PLAC1: variants seen among roughly 807,000 people sequenced by gnomAD.
The protein encoded by PLAC1 is placenta-specific protein 1.
For synonymous variants in PLAC1, 68 were observed against 62.1 expected, an observed-to-expected ratio of 1.09 and a Z score of -0.44; for missense variants, 136 against 163.2, an observed-to-expected ratio of 0.83 and a Z score of 0.91.
intron 1 of PLAC1, among the ~76,000 whole-genome samples, chrX:134,610,139 G>A (rs1487985114): frequency 1.8e-5 from 2 of 110,888 alleles, no homozygotes; most frequent in Non-Finnish European, 3.8e-5. Context: ...CACCACACCC[G>A]GATAATTTTT....
intron 2 of PLAC1, among the ~76,000 whole-genome samples, chrX:134,676,705 G>C (rs1602900039): frequency 8.9e-6 from 1 of 112,262 alleles, no homozygotes; most frequent in African/African-American, 3.2e-5. Context: ...TCTCATTTCT[G>C]ATTGTGGCTT....
chrX:134,712,460 C>G (rs1414690987), intron 2 of PLAC1, among the ~76,000 whole-genome samples: 2 of 111,493 alleles, frequency 1.8e-5, no homozygotes, highest in South Asian at 7.6e-4. Context: ...AGAAGCTCAA[C>G]ATGCAACACA....
intron 1 of PLAC1, among the ~76,000 whole-genome samples, chrX:134,762,821 C>CAAAAAAAAAAAAAAAAAAAAAAA (rs60721487): frequency 2.0e-4 from 3 of 14,825 alleles, no homozygotes; most frequent in Non-Finnish European, 5.2e-4. Flanking sequence ...GGCTCTATCT[C>CAAAAAAAAAAAAAAAAAAAAAAA]AAAAAAAAAA....
intron 2 of PLAC1, among the ~76,000 whole-genome samples, chrX:134,703,349 C>G (rs767492392): frequency 1.1e-4 from 12 of 111,470 alleles, no homozygotes; most frequent in Non-Finnish European, 2.3e-4. Context: ...ATAAATAATA[C>G]ACTTCCCATC....
At chrX:134,641,656 G>A (rs1330362441) in intron 1 of PLAC1, among the ~76,000 whole-genome samples, 1 of 111,800 alleles carries the variant, frequency 8.9e-6, no homozygotes, top group East Asian at 2.8e-4. Context: ...GGGTGGAGGT[G>A]GGAGCTGAGA....
chrX:134,585,888 G>T lies in PLAC1; in HGVS notation c.-59+16163C>A, dbSNP rs766482897. ...GGAGGGAACTAGGGGTGAAAAGAAG[G>T]ACCCCTGCTGACTTCCTGAGTCACA... On this transcript the variant is annotated intron_variant, in intron 2 of 2. Transcript: ENST00000359237. Among the ~76,000 whole-genome samples the T allele has an allele frequency of 2.7e-5, 3 of 111,678 alleles. No homozygotes were observed. The South Asian group carries it at 1.1e-3, about 42-fold the overall frequency.
chrX:134,603,316 T>TATATATATA (rs1569384389), intron 1 of PLAC1, among the ~76,000 whole-genome samples: 4 of 11,408 alleles, frequency 3.5e-4, no homozygotes, highest in African/African-American at 1.6e-3. Context: ...TATATATATT[T>TATATATATA]TTTTTTTTTT....
chrX:134,742,581 CTG>C (rs1453444503), intron 1 of PLAC1, among the ~76,000 whole-genome samples: 5 of 108,209 alleles, frequency 4.6e-5, no homozygotes, highest in African/African-American at 1.7e-4. Context: ...GAGCGAGACT[CTG>C]TTTCAAAAAA....
At chrX:134,727,371 A>C (rs137877556) in intron 2 of PLAC1, among the ~76,000 whole-genome samples, 1,345 of 112,017 alleles carry the variant, frequency 0.012, 16 homozygotes, top group African/African-American at 0.039. Context: ...TTCTGACATA[A>C]AGGCAGATAA....
At chrX:134,658,906 T>A (rs1296989944), upstream of PLAC1, among the ~76,000 whole-genome samples, 4 of 111,564 alleles carry the variant, frequency 3.6e-5, no homozygotes, top group Non-Finnish European at 7.5e-5. Context: ...ATAATATATG[T>A]CCCTTCCCAC....
intron 2 of PLAC1, among the ~76,000 whole-genome samples, chrX:134,568,943 T>G (rs1390570921): frequency 9.0e-6 from 1 of 110,989 alleles, no homozygotes; most frequent in Non-Finnish European, 1.9e-5. Context: ...TTTCTTTCCC[T>G]TCCTGCCTCT....
At chrX:134,692,418 A>C (rs1304146954) in intron 2 of PLAC1, among the ~76,000 whole-genome samples, 2 of 111,113 alleles carry the variant, frequency 1.8e-5, no homozygotes, top group Non-Finnish European at 3.8e-5. Flanking sequence ...ACAGTCCTCC[A>C]TTTCCTGCAT....
intron 2 of PLAC1, among the ~76,000 whole-genome samples, chrX:134,587,625 GCTCTAGGGA>G (rs1383222393): frequency 9.1e-6 from 1 of 110,306 alleles, no homozygotes; most frequent in Non-Finnish European, 1.9e-5. Flanking sequence ...GATGCAGACT[GCTCTAGGGA>G]GGCGTAGCCC....
At position 134,733,232 on chromosome X, in the gene PLAC1, T is replaced by C. The variant is rs7052754; in HGVS notation, n.174+203A>G. Among the ~76,000 whole-genome samples, 134 of 110,179 alleles carry C rather than the reference T, an allele frequency of 1.2e-3. 3 individuals are homozygous for C. The highest frequency in any genetic ancestry group is 4.6e-3 in the Middle Eastern group (1 of 217). On this transcript the variant is annotated intron_variant and non_coding_transcript_variant, in intron 2 of 2. Coordinates refer to the PLAC1 transcript ENST00000466797. Reference sequence around the variant, plus strand: ...AGACCAGAACCCCTCTCACAGAGTCTTAGTTCACATCCTAGATATAAAACA... The same window carrying C: ...AGACCAGAACCCCTCTCACAGAGTCCTAGTTCACATCCTAGATATAAAACA...
At chrX:134,627,383 C>T (rs184327661) in intron 1 of PLAC1, among the ~76,000 whole-genome samples, 32 of 111,778 alleles carry the variant, frequency 2.9e-4, no homozygotes, top group African/African-American at 8.5e-4. Flanking sequence ...AAAATCTTCC[C>T]GAAAAAGTCT....
Position 134,566,064 on chromosome X carries a change from C to A in PLAC1, c.619G>T (p.Asp207Tyr). 8.3e-7 allele frequency: 1 copy of A among 1,209,927 alleles called. No homozygotes were observed. Among genetic ancestry groups the A allele is most frequent in the Non-Finnish European group, 1.1e-6 (1 of 893,983 alleles). The change falls in exon 3 of 3, where the codon GAT becomes TAT. Residue 207 changes from aspartate to tyrosine, a missense_variant. Coordinates refer to ENST00000359237, the MANE Select transcript of PLAC1 (RefSeq NM_021796.4). ...GAGGATCACATGGACCCAATCATAT[C>A]ATCTGTGTGAAGAGACCAATCCTCA... The part of the protein sequence containing the change: ...ISEDWSLHTD[D>Y]MIGSM
At chrX:134,717,085 C>A (rs140500381) in intron 2 of PLAC1, among the ~76,000 whole-genome samples, 1 of 111,618 alleles carries the variant, frequency 9.0e-6, no homozygotes, top group Admixed American at 9.5e-5. Context: ...GTGGTCTAAA[C>A]CTGACTCAGT....
At chrX:134,711,379 C>A (rs940601581) in intron 2 of PLAC1, among the ~76,000 whole-genome samples, 2 of 112,156 alleles carry the variant, frequency 1.8e-5, no homozygotes, top group Non-Finnish European at 3.8e-5. Flanking sequence ...TGTTATCAAG[C>A]TCTTATTCTA....
chrX:134,758,688 A>G (rs2078762778), intron 1 of PLAC1, among the ~76,000 whole-genome samples: 2 of 112,269 alleles, frequency 1.8e-5, no homozygotes, highest in South Asian at 7.3e-4. Flanking sequence ...AAACACTACA[A>G]GAAAACCTAT....
Sources: allele counts gnomAD v4.1 joint callset (sites outside exome capture counted in the v4.1 genomes callset), GRCh38; gene constraint gnomAD v4.1.1; transcripts MANE v1.5; gene names NCBI Gene and HGNC (gene_info 2026-07-23, HGNC 2026-07-21).